Variants in RHOBTB1 observed in about 807,000 individuals in gnomAD.
RHOBTB1 encodes Rho related BTB domain containing 1, also known as rho-related BTB domain-containing protein 1.
RHOBTB1 carries 40 observed loss-of-function variants against 71.6 expected under a neutral mutation model. That is an observed-to-expected ratio of 0.56 (90% confidence interval 0.43 to 0.73). RHOBTB1 has a LOEUF of 0.73. Ranked by LOEUF, RHOBTB1 falls within the 30% of genes least tolerant of loss-of-function variation. The pLI, the probability that RHOBTB1 is intolerant of heterozygous loss-of-function variation, is 0.00. For synonymous variants in RHOBTB1, 319 were observed against 334.9 expected, an observed-to-expected ratio of 0.95 and a Z score of 0.52; for missense variants, 797 against 894.0, an observed-to-expected ratio of 0.89 and a Z score of 1.38.
At chr10:60,924,241 CTAT>C (rs111967885) in intron 2 of RHOBTB1, among the ~76,000 whole-genome samples, 8,961 of 151,764 alleles carry the variant, frequency 0.059, 505 homozygotes, top group African/African-American at 0.14. Flanking sequence ...ATACGAATGA[CTAT>C]AAATTTCACC....
upstream of RHOBTB1, among the ~76,000 whole-genome samples, chr10:61,001,779 G>A (rs1375731829): frequency 6.6e-6 from 1 of 152,208 alleles, no homozygotes; most frequent in Non-Finnish European, 1.5e-5. Flanking sequence ...TTTGGACCTG[G>A]CCCCTGTGGC....
intron 2 of RHOBTB1, among the ~76,000 whole-genome samples, chr10:60,927,798 G>C (rs2083977670): frequency 6.6e-6 from 1 of 152,052 alleles, no homozygotes; most frequent in Non-Finnish European, 1.5e-5. Context: ...TAGGACATTG[G>C]GCTGGACAAA....
intron 2 of RHOBTB1, among the ~76,000 whole-genome samples, chr10:60,917,189 C>T (rs1447739567): frequency 6.6e-6 from 1 of 152,222 alleles, no homozygotes; most frequent in Non-Finnish European, 1.5e-5. Context: ...TTTAGCCACA[C>T]AAAATGGCTT....
At chr10:60,863,815 G>T in the RHOBTB1 span, among the ~76,000 whole-genome samples, 2 of 152,324 alleles carry the variant, frequency 1.3e-5, no homozygotes, top group African/African-American at 2.4e-5. Flanking sequence ...TCACAGGCAT[G>T]ATCCACTGGC....
chr10:60,885,126 G>C (rs1294518705), intron 7 of RHOBTB1, among the ~76,000 whole-genome samples: 1 of 150,074 alleles, frequency 6.7e-6, no homozygotes, highest in Non-Finnish European at 1.5e-5. Flanking sequence ...TGGTGACTAT[G>C]GTGGACAATA....
chr10:60,967,284 T>A (rs1211073686), intron 2 of RHOBTB1, among the ~76,000 whole-genome samples: 2 of 148,098 alleles, frequency 1.4e-5, no homozygotes, highest in African/African-American at 5.0e-5. Flanking sequence ...TTTGTTTGCC[T>A]GTTTTTTTTT....
upstream of RHOBTB1, among the ~76,000 whole-genome samples, chr10:60,947,154 T>C (rs2085264961): frequency 6.6e-6 from 1 of 152,216 alleles, no homozygotes; most frequent in Non-Finnish European, 1.5e-5. Context: ...ATAACGCCTG[T>C]AATCACTGTC....
intron 2 of RHOBTB1, among the ~76,000 whole-genome samples, chr10:60,982,864 T>C (rs377260760): frequency 1.3e-4 from 20 of 152,228 alleles, no homozygotes; most frequent in Admixed American, 3.9e-4. Flanking sequence ...GTGAATTTCA[T>C]GTGCGTTTCA....
intron 2 of RHOBTB1, among the ~76,000 whole-genome samples, chr10:60,922,392 T>C (rs2083617740): frequency 6.6e-6 from 1 of 152,178 alleles, no homozygotes; most frequent in Non-Finnish European, 1.5e-5. Context: ...CATCATCTCA[T>C]TGCAAGTAGC....
intron 1 of RHOBTB1, among the ~76,000 whole-genome samples, chr10:61,000,927 G>A (rs766235305): frequency 2.6e-5 from 4 of 152,194 alleles, no homozygotes; most frequent in East Asian, 1.9e-4. Flanking sequence ...AGGAGCTGCA[G>A]ATGCTGCGCC....
intron 2 of RHOBTB1, among the ~76,000 whole-genome samples, chr10:60,957,137 C>A (rs1296731155): frequency 3.3e-5 from 5 of 152,130 alleles, no homozygotes; most frequent in Admixed American, 1.3e-4. Flanking sequence ...AAAGACCAGC[C>A]TAAGGCTGTT....
At position 60,898,225 on chromosome 10, in the gene RHOBTB1, C is replaced by T. The variant is rs140110035; in HGVS notation, c.297-5230G>A. Among the ~76,000 whole-genome samples the T allele has an allele frequency of 3.5e-3, 536 of 152,216 alleles. 6 individuals are homozygous for T. The highest frequency in any genetic ancestry group is 0.012 in the African/African-American group (515 of 41,522). ...TCTTTGTCACTGTGCATGAGTCCCC[C>T]TCTGGCAAAGATTCAAGTAGGAGTG... On this transcript the variant is annotated intron_variant, in intron 4 of 10. Transcript: ENST00000337910.
At chr10:60,893,686 C>T (rs994408839) in intron 4 of RHOBTB1, among the ~76,000 whole-genome samples, 21 of 152,166 alleles carry the variant, frequency 1.4e-4, no homozygotes, top group African/African-American at 5.1e-4. Flanking sequence ...AAGCAGATTT[C>T]TCAAATGTTA....
intron 1 of RHOBTB1, among the ~76,000 whole-genome samples, chr10:61,001,030 C>A (rs1288029670): frequency 6.6e-6 from 1 of 151,890 alleles, no homozygotes; most frequent in Admixed American, 6.6e-5. Context: ...CTCTGGCCAC[C>A]CCCGCCTCCG....
intron 6 of RHOBTB1, among the ~76,000 whole-genome samples, chr10:60,887,121 G>C (rs887848198): frequency 6.7e-6 from 1 of 149,004 alleles, no homozygotes; most frequent in African/African-American, 2.5e-5. Context: ...CATTGTATTT[G>C]ATTATTATGC....
intron 5 of RHOBTB1, among the ~76,000 whole-genome samples, chr10:60,891,264 A>G (rs1274101652): frequency 6.6e-6 from 1 of 151,984 alleles, no homozygotes; most frequent in Non-Finnish European, 1.5e-5. Context: ...AGTTGTGTCA[A>G]TATAAAATTT....
rs12778327 is a variant in RHOBTB1 at position 60,933,428 on chromosome 10, A to C, written c.-11+8376T>G. 2.6e-3 allele frequency among the ~76,000 whole-genome samples: 391 copies of C among 152,352 alleles called. 1 individual carries two copies. The highest frequency in any genetic ancestry group is 4.6e-3 in the Non-Finnish European group (316 of 68,028). On this transcript the variant is annotated intron_variant, in intron 2 of 10. Coordinates refer to ENST00000337910, the MANE Select transcript of RHOBTB1 (RefSeq NM_014836.5). ...ATGTATAGAAAAAGATTTCATTTAA[A>C]GAATGTTCATTGGCTGGGTGCGGTG...
chr10:60,910,143 G>C (rs1460351284), intron 4 of RHOBTB1, among the ~76,000 whole-genome samples: 1 of 151,836 alleles, frequency 6.6e-6, no homozygotes, highest in Non-Finnish European at 1.5e-5. Flanking sequence ...TTATAATTAA[G>C]TGGTAAAAAA....
chr10:60,950,969 T>A (rs1487144266), intron 2 of RHOBTB1, among the ~76,000 whole-genome samples: 1 of 152,174 alleles, frequency 6.6e-6, no homozygotes, highest in African/African-American at 2.4e-5. Context: ...CTGTGTCTTC[T>A]CCCATCTGTA....
Sources: gnomAD v4.1 joint callset for allele counts (sites outside exome capture counted in the v4.1 genomes callset) on GRCh38, gnomAD v4.1.1 for gene constraint, MANE v1.5 for transcripts, NCBI Gene and HGNC (gene_info 2026-07-23, HGNC 2026-07-21) for gene names.